Variants in UBE2E3 observed in about 807,000 individuals in gnomAD.
UBE2E3 encodes ubiquitin-conjugating enzyme E2 E3.
A neutral mutation model predicts 23.6 loss-of-function variants in UBE2E3; 5 were observed. The observed-to-expected ratio is 0.21, with a 90% CI of 0.11 to 0.44. The LOEUF (loss-of-function observed/expected upper bound fraction) is 0.44, where lower values mean the gene tolerates loss of function less well. UBE2E3 is among the 20% of genes least tolerant of loss of function. The pLI is 0.99. For synonymous variants in UBE2E3, 78 were observed against 87.5 expected (o/e 0.89, Z 0.60); for missense variants, 81 against 249.8 (o/e 0.32, Z 4.55).
chr2:180,982,345 A>C, intron 2 of UBE2E3, 109 bp downstream of exon 2: 1 of 980,766 alleles, frequency 1.0e-6, no homozygotes. Flanking sequence ...TATTTACTTC[A>C]TTATCAGTTT....
chr2:181,012,837 T>C lies in UBE2E3; in HGVS notation c.245+28744T>C, dbSNP rs189865792. Reference sequence around the variant, plus strand: ...CCATGTATAGGCATGAATTTAGAGATACTAACAAGTATTGGTATTTCTCAT... The same window carrying C: ...CCATGTATAGGCATGAATTTAGAGACACTAACAAGTATTGGTATTTCTCAT... On this transcript the variant is annotated intron_variant, in intron 3 of 5. Transcript: ENST00000410062. Among the ~76,000 whole-genome samples the C allele has an allele frequency of 1.8e-3, 272 of 152,304 alleles. 2 individuals are homozygous for C. Among genetic ancestry groups the C allele is most frequent in the African/African-American group, 6.2e-3 (256 of 41,570 alleles).
At chr2:180,986,851 A>C (rs1350175907) in intron 3 of UBE2E3, among the ~76,000 whole-genome samples, 1 of 152,130 alleles carries the variant, frequency 6.6e-6, no homozygotes, top group Non-Finnish European at 1.5e-5. Flanking sequence ...AAGAAAACTC[A>C]GCAAAACCAA....
intron 3 of UBE2E3, among the ~76,000 whole-genome samples, chr2:181,021,005 G>C (rs1437196361): frequency 6.6e-6 from 1 of 152,140 alleles, no homozygotes; most frequent in African/African-American, 2.4e-5. Flanking sequence ...GTATGCATTT[G>C]AAACTGATGA....
chr2:181,041,077 G>T (rs533457137), intron 3 of UBE2E3, among the ~76,000 whole-genome samples: 1 of 151,754 alleles, frequency 6.6e-6, no homozygotes, highest in Non-Finnish European at 1.5e-5. Flanking sequence ...ATGAAACCCA[G>T]TCTCTACCAA....
At chr2:181,002,447 T>C (rs2105593819) in intron 3 of UBE2E3, among the ~76,000 whole-genome samples, 1 of 152,286 alleles carries the variant, frequency 6.6e-6, no homozygotes, top group South Asian at 2.1e-4. Flanking sequence ...GAAGACAAAC[T>C]TAGGAATGAT....
intron 3 of UBE2E3, among the ~76,000 whole-genome samples, chr2:181,029,627 A>G (rs1033293321): frequency 6.4e-5 from 9 of 140,614 alleles, no homozygotes; most frequent in Non-Finnish European, 7.8e-5. Context: ...TTGCTTATAC[A>G]TTACATTCTT....
intron 3 of UBE2E3, among the ~76,000 whole-genome samples, chr2:181,026,796 A>G (rs183142312): frequency 6.6e-6 from 1 of 152,044 alleles, no homozygotes; most frequent in African/African-American, 2.4e-5. Flanking sequence ...GCTAATGGCA[A>G]TATTAGATCT....
chr2:181,050,225 C>T lies in UBE2E3; in HGVS notation c.246-7468C>T, dbSNP rs543623153. Among the ~76,000 whole-genome samples the T allele has an allele frequency of 1.9e-4, 29 of 152,028 alleles. No individual in the cohort carries two copies. In the South Asian group the frequency reaches 5.6e-3, roughly 29 times the overall value. On this transcript the variant is annotated intron_variant, in intron 3 of 5. Transcript: ENST00000410062. Reference sequence around the variant, plus strand: ...TTGAAGGTGTTTCAAGCAAGAGTTACATACTAGTATAGATTTTTAATGCAA... The same window carrying T: ...TTGAAGGTGTTTCAAGCAAGAGTTATATACTAGTATAGATTTTTAATGCAA...
At chr2:181,004,505 C>T (rs866396560) in intron 3 of UBE2E3, among the ~76,000 whole-genome samples, 1 of 152,002 alleles carries the variant, frequency 6.6e-6, no homozygotes, top group African/African-American at 2.4e-5. Flanking sequence ...TGGTGGTATG[C>T]ACCTGTAGTC....
At chr2:181,057,910 A>G in intron 4 of UBE2E3, 85 bp downstream of exon 4, 8 of 1,363,288 alleles carry the variant, frequency 5.9e-6, no homozygotes, top group Non-Finnish European at 8.0e-6. Flanking sequence ...GTATTGATGC[A>G]GTTATTTTGA....
At chr2:181,044,029 G>T (rs1686597949) in intron 3 of UBE2E3, among the ~76,000 whole-genome samples, 1 of 152,008 alleles carries the variant, frequency 6.6e-6, no homozygotes, top group South Asian at 2.1e-4. Flanking sequence ...ATAGCTTCTT[G>T]GATGTGGGAT....
intron 3 of UBE2E3, among the ~76,000 whole-genome samples, chr2:180,998,865 C>G (rs755209095): frequency 8.5e-5 from 13 of 152,178 alleles, no homozygotes; most frequent in Non-Finnish European, 1.9e-4. Flanking sequence ...ACAGATGATT[C>G]ATTTGAAAAC....
At chr2:181,004,050 G>A (rs928586559) in intron 3 of UBE2E3, among the ~76,000 whole-genome samples, 8 of 152,194 alleles carry the variant, frequency 5.3e-5, no homozygotes, top group Non-Finnish European at 1.2e-4. Flanking sequence ...AGGTGTGAAT[G>A]TGTGTGTGGG....
chr2:181,033,348 C>A (rs1196337884), intron 3 of UBE2E3, among the ~76,000 whole-genome samples: 1 of 152,122 alleles, frequency 6.6e-6, no homozygotes, highest in Non-Finnish European at 1.5e-5. Context: ...ACCAATGGAA[C>A]AGAACAGAGC....
chr2:181,048,701 A>C (rs191234876), intron 3 of UBE2E3, among the ~76,000 whole-genome samples: 1 of 152,184 alleles, frequency 6.6e-6, no homozygotes, highest in Non-Finnish European at 1.5e-5. Flanking sequence ...TGAACTCCTA[A>C]TTGCTTTCAA....
intron 5 of UBE2E3, among the ~76,000 whole-genome samples, chr2:181,061,763 T>C (rs959390094): frequency 1.2e-4 from 17 of 141,654 alleles, no homozygotes; most frequent in African/African-American, 4.3e-4. Flanking sequence ...ACATTTTGTT[T>C]CGTTATGTGA....
intron 3 of UBE2E3, among the ~76,000 whole-genome samples, chr2:181,000,413 A>C (rs1424918127): frequency 6.6e-6 from 1 of 152,154 alleles, no homozygotes; most frequent in Admixed American, 6.5e-5. Flanking sequence ...TTGAATCTAA[A>C]ATGTTAACAC....
intron 3 of UBE2E3, among the ~76,000 whole-genome samples, chr2:180,987,616 G>C (rs567166200): frequency 3.7e-4 from 57 of 152,072 alleles, no homozygotes; most frequent in Non-Finnish European, 3.5e-4. Flanking sequence ...AGCAAAACCT[G>C]AGATCAGGTG....
intron 3 of UBE2E3, among the ~76,000 whole-genome samples, chr2:181,007,328 G>A (rs376249018): frequency 8.4e-4 from 128 of 152,252 alleles, no homozygotes; most frequent in African/African-American, 3.1e-3. Context: ...ATGGCCTGGG[G>A]AGAAAGAAGG....
Sources: gnomAD v4.1 joint callset for allele counts (sites outside exome capture counted in the v4.1 genomes callset) on GRCh38, gnomAD v4.1.1 for gene constraint, MANE v1.5 for transcripts, NCBI Gene and HGNC (gene_info 2026-07-23, HGNC 2026-07-21) for gene names.